The following CERS4 variants were observed in gnomAD, a reference collection of about 807,000 sequenced individuals.
CERS4 encodes the protein ceramide synthase 4.
In CERS4, 65 loss-of-function variants were observed where a neutral mutation model predicts 51.8. That is an observed-to-expected ratio of 1.26 (90% CI 1.03 to 1.54). The LOEUF is 1.54. Among genes scored for constraint, CERS4 ranks in the 40% most tolerant of loss-of-function variants. The pLI is 0.00. For synonymous variants in CERS4, 228 were observed against 208.4 expected, an observed-to-expected ratio of 1.09 and a Z score of -0.81; for missense variants, 563 against 500.4, an observed-to-expected ratio of 1.13 and a Z score of -1.19.
chr19:8,227,024 A>T (rs1158162128), intron 2 of CERS4, among the ~76,000 whole-genome samples: 1 of 152,138 alleles, frequency 6.6e-6, no homozygotes, highest in African/African-American at 2.4e-5. Context: ...GCTACTTGGG[A>T]TGCTGAGGCA....
intron 7 of CERS4, 29 bp from the exon 8 acceptor site, chr19:8,256,589 A>C: frequency 1.3e-6 from 2 of 1,591,152 alleles, no homozygotes; most frequent in Non-Finnish European, 1.7e-6. Context: ...TTCGCTCCCC[A>C]CAGCTAACCT....
intron 9 of CERS4, 86 bp downstream of exon 9, chr19:8,257,163 C>T (rs1969434962): frequency 3.6e-6 from 5 of 1,385,478 alleles, no homozygotes; most frequent in Non-Finnish European, 4.9e-6. Flanking sequence ...TTCCTCCCAA[C>T]CTTCCTGGGA....
At chr19:8,261,643 A>G (rs944517844) in intron 10 of CERS4, 45 bp from the exon 11 acceptor site, 4 of 1,609,782 alleles carry the variant, frequency 2.5e-6, no homozygotes, top group Non-Finnish European at 3.4e-6. Context: ...TGGGGGCTAC[A>G]GCGGCTGGTC....
chr19:8,256,374 C>A, intron 7 of CERS4, 88 bp downstream of exon 7: 1 of 1,418,754 alleles, frequency 7.0e-7, no homozygotes, highest in Non-Finnish European at 9.8e-7. Context: ...CGAACCCTGA[C>A]ACTACACTGT....
chr19:8,258,801 C>T (rs977363135), intron 10 of CERS4, among the ~76,000 whole-genome samples: 1 of 151,582 alleles, frequency 6.6e-6, no homozygotes, highest in African/African-American at 2.4e-5. Context: ...AAGATTGTAC[C>T]ACTGCACTCC....
At position 8,261,677 on chromosome 19, in the gene CERS4, C is replaced by A. The variant is rs576236985; in HGVS notation, c.849-11C>A. The A allele has an allele frequency of 6.2e-7, 1 of 1,613,750 alleles. No homozygotes were observed. The highest frequency in any genetic ancestry group is 1.3e-5 in the African/African-American group (1 of 74,886). ...TCAAACCCCAGCCTCCTCCTCTCCC[C>A]CTGGCTGTAGGATCCTCTACACCAC... On this transcript the variant is annotated splice_polypyrimidine_tract_variant and intron_variant, in intron 10 of 11. Coordinates refer to ENST00000251363, the MANE Select transcript of CERS4 (RefSeq NM_024552.3).
rs747324298 is a variant in CERS4, at chr19:8,254,554, C to A, written c.229C>A (p.Gln77Lys). The A allele has an allele frequency of 3.7e-6, 6 of 1,613,588 alleles. No homozygotes were observed. In the African/African-American group the frequency reaches 8.0e-5, roughly 22 times the overall value. ...GGGTGTGAGGGATCAGACCAGGAGG[C>A]AAGTGAAGCCCAACGCCACGCTGGA... ...WLGVRDQTRR[Q>K]VKPNATLEKH... Residue 77 changes from glutamine to lysine, a missense_variant, in exon 4 of 12, where the codon CAA becomes AAA. Coordinates refer to ENST00000251363, the MANE Select transcript of CERS4 (RefSeq NM_024552.3).
At chr19:8,236,879 A>G (rs950615279) in intron 2 of CERS4, among the ~76,000 whole-genome samples, 2 of 151,200 alleles carry the variant, frequency 1.3e-5, no homozygotes, top group Admixed American at 1.3e-4. Flanking sequence ...GCATGGACCT[A>G]TAATTCCAGC....
rs1969715361 is a variant in CERS4, at chr19:8,261,754, C to T, written c.915C>T (p.Phe305=). Residue 305 remains phenylalanine (F), a synonymous_variant, in exon 11 of 12, where the codon TTC becomes TTT. Transcript: ENST00000251363. ...NRGPFFGYYF[F]NGLLMLLQLL... Reference sequence around the variant, plus strand: ...GCCCCTTCTTCGGCTACTACTTCTTCAACGGGCTTCTGATGTTGCTGCAGC... The same window carrying T: ...GCCCCTTCTTCGGCTACTACTTCTTTAACGGGCTTCTGATGTTGCTGCAGC... 6.2e-7 allele frequency: 1 copy of T among 1,614,050 alleles called. No homozygotes were observed. Among genetic ancestry groups the T allele is most frequent in the Non-Finnish European group, 8.5e-7 (1 of 1,180,036 alleles).
chr19:8,258,930 T>G (rs1468180395), intron 10 of CERS4, among the ~76,000 whole-genome samples: 5 of 151,820 alleles, frequency 3.3e-5, no homozygotes, highest in African/African-American at 7.3e-5. Flanking sequence ...GGTCAGGAGA[T>G]CGAGACCACT....
At chr19:8,249,166 G>C (rs1488649482) in intron 2 of CERS4, among the ~76,000 whole-genome samples, 1 of 146,848 alleles carries the variant, frequency 6.8e-6, no homozygotes, top group Non-Finnish European at 1.5e-5. Context: ...GTGGATGGAT[G>C]ATGGGTGGGT....
chr19:8,236,641 G>T (rs111960683), intron 2 of CERS4, among the ~76,000 whole-genome samples: 7,436 of 142,184 alleles, frequency 0.052, 617 homozygotes, highest in African/African-American at 0.18. Context: ...ATCTCGCCAC[G>T]GCACTCTAGC....
intron 2 of CERS4, among the ~76,000 whole-genome samples, chr19:8,236,665 C>A (rs1216675126): frequency 8.0e-6 from 1 of 125,512 alleles, no homozygotes. Flanking sequence ...AGCAACAGAA[C>A]CAGGCCCTGT....
intron 3 of CERS4, among the ~76,000 whole-genome samples, chr19:8,252,597 C>T (rs1969146542): frequency 6.6e-6 from 1 of 152,052 alleles, no homozygotes; most frequent in South Asian, 2.1e-4. Context: ...TGCCACCACA[C>T]CTGACTAATT....
chr19:8,234,329 CCTCT>C (rs1265829787), intron 2 of CERS4, among the ~76,000 whole-genome samples: 1 of 151,920 alleles, frequency 6.6e-6, no homozygotes, highest in Non-Finnish European at 1.5e-5. Context: ...AGACAGTCTC[CCTCT>C]GTCTCCAAGG....
intron 2 of CERS4, among the ~76,000 whole-genome samples, chr19:8,246,983 T>G (rs1479684419): frequency 2.6e-5 from 4 of 152,014 alleles, no homozygotes; most frequent in Non-Finnish European, 4.4e-5. Flanking sequence ...CTGGCCAACA[T>G]AACAAAACCC....
At chr19:8,239,107 A>G (rs1408891320) in intron 2 of CERS4, among the ~76,000 whole-genome samples, 6 of 151,880 alleles carry the variant, frequency 4.0e-5, no homozygotes, top group Admixed American at 3.9e-4. Context: ...TCTCTTTAAG[A>G]AAGAAAAATT....
At chr19:8,224,104 TAAAAAA>T (rs746066578) in intron 2 of CERS4, among the ~76,000 whole-genome samples, 6 of 65,480 alleles carry the variant, frequency 9.2e-5, no homozygotes, top group Admixed American at 1.9e-4. Flanking sequence ...ACTCCGTCTT[TAAAAAA>T]AAAAAAAAAA....
At chr19:8,221,819 C>A (rs544821109) in intron 2 of CERS4, among the ~76,000 whole-genome samples, 2 of 150,530 alleles carry the variant, frequency 1.3e-5, no homozygotes, top group Non-Finnish European at 3.0e-5. Context: ...AGCCACCACA[C>A]CCAGCCTAAA....
Sources: allele counts gnomAD v4.1 joint callset (sites outside exome capture counted in the v4.1 genomes callset), GRCh38; gene constraint gnomAD v4.1.1; transcripts MANE v1.5; gene names NCBI Gene and HGNC (gene_info 2026-07-23, HGNC 2026-07-21).